MACROD2: variants seen among roughly 807,000 people sequenced by gnomAD.
The protein encoded by MACROD2 is ADP-ribose glycohydrolase MACROD2.
In MACROD2, 36 loss-of-function variants were observed where a neutral mutation model predicts 70.4. That is an observed-to-expected ratio of 0.51 (90% CI 0.39 to 0.68). The LOEUF is 0.68. Among genes scored for constraint, MACROD2 ranks in the 30% least tolerant of loss-of-function variants. The pLI, the probability that MACROD2 is intolerant of heterozygous loss-of-function variation, is 0.00. For missense variants in MACROD2, 496 were observed against 538.4 expected, an observed-to-expected ratio of 0.92 and a Z score of 0.78; for synonymous variants, 172 against 178.8, an observed-to-expected ratio of 0.96 and a Z score of 0.30.
At chr20:14,644,658 T>C (rs145569039) in intron 4 of MACROD2, among the ~76,000 whole-genome samples, 81 of 152,292 alleles carry the variant, frequency 5.3e-4, no homozygotes, top group Non-Finnish European at 1.0e-3. Flanking sequence ...CTTGAAACAA[T>C]GTTTATAACT....
chr20:14,298,142 A>G (rs1162091035), intron 3 of MACROD2, among the ~76,000 whole-genome samples: 1 of 151,946 alleles, frequency 6.6e-6, no homozygotes, highest in East Asian at 1.9e-4. Context: ...GCTCATTGAC[A>G]ATGCACCTAG....
rs1054552040 is a variant in MACROD2, at chr20:14,326,222, G to A, written c.272-167257G>A. On this transcript the variant is annotated intron_variant, in intron 3 of 17. Transcript: ENST00000684519. This position sits in a 1 kb window ranked among gnomAD's most constrained non-coding sequence, Gnocchi z 5.5. ...CTCAAAGCAGTCATAGGTAGAGCAA[G>A]TTTCCAAGAGATATGAATGGTATCA... The A allele has an allele frequency of 6.2e-6, 10 of 1,613,962 alleles. No homozygotes were observed. The highest frequency in any genetic ancestry group is 1.7e-4 in the Middle Eastern group (1 of 6,056).
chr20:15,453,992 A>G (rs554522559), intron 7 of MACROD2, among the ~76,000 whole-genome samples: 4 of 152,128 alleles, frequency 2.6e-5, no homozygotes, highest in African/African-American at 9.7e-5. Flanking sequence ...CTCCCACGCA[A>G]TCCGAGCTTT....
At chr20:15,366,751 G>T (rs1248747652) in intron 6 of MACROD2, among the ~76,000 whole-genome samples, 1 of 151,656 alleles carries the variant, frequency 6.6e-6, no homozygotes, top group East Asian at 2.0e-4. Flanking sequence ...TGTAGAGAAG[G>T]TGTCTTGCTA....
intron 2 of MACROD2, among the ~76,000 whole-genome samples, chr20:14,084,217 G>T (rs1368794701): frequency 6.6e-6 from 1 of 151,588 alleles, no homozygotes; most frequent in African/African-American, 2.4e-5. Flanking sequence ...GTGTATTGTG[G>T]TCCAAAGACA....
intron 3 of MACROD2, among the ~76,000 whole-genome samples, chr20:14,432,391 T>A (rs2084004142): frequency 6.6e-6 from 1 of 152,122 alleles, no homozygotes; most frequent in Non-Finnish European, 1.5e-5. Flanking sequence ...TCTGTCTGAC[T>A]TTGCTAGTGT....
intron 4 of MACROD2, among the ~76,000 whole-genome samples, chr20:14,650,184 C>A (rs1450878069): frequency 6.6e-6 from 1 of 152,138 alleles, no homozygotes; most frequent in Non-Finnish European, 1.5e-5. Flanking sequence ...TTGGTAGCAT[C>A]TTTACATGGG....
intron 2 of MACROD2, among the ~76,000 whole-genome samples, chr20:14,062,292 T>C (rs767917755): frequency 6.6e-6 from 1 of 152,176 alleles, no homozygotes; most frequent in Non-Finnish European, 1.5e-5. Flanking sequence ...TGTCAGTCAT[T>C]GTGCTAGGAA....
chr20:16,014,751 C>A (rs1354940599), intron 15 of MACROD2, among the ~76,000 whole-genome samples: 1 of 152,208 alleles, frequency 6.6e-6, no homozygotes, highest in Non-Finnish European at 1.5e-5. Context: ...GGGTTCCTGT[C>A]AGGGCAAGTA....
At chr20:14,475,210 C>T (rs553206183) in intron 3 of MACROD2, among the ~76,000 whole-genome samples, 1 of 151,926 alleles carries the variant, frequency 6.6e-6, no homozygotes, top group Non-Finnish European at 1.5e-5. Flanking sequence ...TAACAACTTA[C>T]CTTAAAAAGA....
At chr20:15,453,690 C>G (rs1183261156) in intron 7 of MACROD2, among the ~76,000 whole-genome samples, 1 of 152,136 alleles carries the variant, frequency 6.6e-6, no homozygotes, top group Non-Finnish European at 1.5e-5. Flanking sequence ...GACAAGGACA[C>G]CACCTGACTT....
intron 3 of MACROD2, among the ~76,000 whole-genome samples, chr20:14,251,747 A>G (rs143989808): frequency 0.012 from 1,873 of 152,236 alleles, 18 homozygotes; most frequent in Non-Finnish European, 0.019. Context: ...TGTCTATGCA[A>G]TGACATGATA....
At chr20:15,988,245 A>G (rs2066513199) in intron 15 of MACROD2, among the ~76,000 whole-genome samples, 1 of 152,154 alleles carries the variant, frequency 6.6e-6, no homozygotes, top group Admixed American at 6.5e-5. Context: ...TTTCCTGTTA[A>G]GTCAAATAAA....
chr20:15,606,222 C>T (rs2048890979), intron 8 of MACROD2, among the ~76,000 whole-genome samples: 1 of 152,128 alleles, frequency 6.6e-6, no homozygotes, highest in African/African-American at 2.4e-5. Flanking sequence ...GTCTCAGTCG[C>T]CTTTTTAGCA....
At chr20:14,916,968 T>C (rs1600819125) in intron 5 of MACROD2, among the ~76,000 whole-genome samples, 1 of 152,040 alleles carries the variant, frequency 6.6e-6, no homozygotes, top group African/African-American at 2.4e-5. Flanking sequence ...GGCACCTTGA[T>C]TGGTCATGCA....
At chr20:15,153,295 G>A (rs533416591) in intron 5 of MACROD2, among the ~76,000 whole-genome samples, 33 of 152,182 alleles carry the variant, frequency 2.2e-4, no homozygotes, top group African/African-American at 7.7e-4. Flanking sequence ...TAGGATTTGG[G>A]TAGGTAAATG....
chr20:15,988,790 T>C (rs1240134570), intron 15 of MACROD2, among the ~76,000 whole-genome samples: 1 of 152,178 alleles, frequency 6.6e-6, no homozygotes, highest in Non-Finnish European at 1.5e-5. Flanking sequence ...AACCACATTT[T>C]CTCTTCCCAT....
At chr20:14,235,811 A>G (rs1214909691) in intron 3 of MACROD2, among the ~76,000 whole-genome samples, 2 of 152,196 alleles carry the variant, frequency 1.3e-5, no homozygotes, top group Non-Finnish European at 2.9e-5. Context: ...TAAAAGTTGC[A>G]GACCTCATTT....
intron 2 of MACROD2, among the ~76,000 whole-genome samples, chr20:14,051,335 A>G (rs1311631554): frequency 6.6e-6 from 1 of 152,228 alleles, no homozygotes; most frequent in Non-Finnish European, 1.5e-5. Flanking sequence ...GGTTACCTAA[A>G]TAAGCCATTT....
Sources: allele counts gnomAD v4.1 joint callset (sites outside exome capture counted in the v4.1 genomes callset), GRCh38; gene constraint gnomAD v4.1.1; non-coding constraint Gnocchi (gnomAD v3.1); transcripts MANE v1.5; gene names NCBI Gene and HGNC (gene_info 2026-07-23, HGNC 2026-07-21).